PDPR: variants seen among roughly 807,000 people sequenced by gnomAD.
PDPR encodes pyruvate dehydrogenase phosphatase regulatory subunit, mitochondrial.
A neutral mutation model predicts 102.2 loss-of-function variants in PDPR; 50 were observed. That is an observed-to-expected ratio of 0.49 (90% CI 0.39 to 0.62). The LOEUF (loss-of-function observed/expected upper bound fraction) is 0.62. Among genes scored for constraint, PDPR ranks in the 20% least tolerant of loss-of-function variants. The probability of loss-of-function intolerance (pLI) is 0.00; values close to 1 mark genes in which losing one functional copy is unlikely to be tolerated. For synonymous variants in PDPR, 259 were observed against 406.0 expected, an observed-to-expected ratio of 0.64 and a Z score of 4.35; for missense variants, 625 against 1,098.2, an observed-to-expected ratio of 0.57 and a Z score of 6.09.
chr16:70,142,374 G>T lies in PDPR; in HGVS notation c.1456G>T (p.Val486Phe), dbSNP rs1965808231. 1.2e-6 allele frequency: 2 copies of T among 1,613,922 alleles called. No individual in the cohort carries two copies. Among genetic ancestry groups the T allele is most frequent in the Middle Eastern group, 1.7e-4 (1 of 6,058 alleles). ...TGGATTTGAGAGGCCAAAGTACTTT[G>T]TTCCCCCCGACAAGGGTAAGAAGTC... ...KHGFERPKYFVPPDKDLLALE... is the reference protein window; with the variant it reads ...KHGFERPKYFFPPDKDLLALE... Residue 486 changes from valine to phenylalanine, a missense_variant, in exon 12 of 19, where the codon GTT becomes TTT. This residue lies in a region of PDPR where 34 missense variants were observed against 76.6 expected (regional missense o/e 0.44). Transcript: ENST00000288050.
rs1966044032 is a variant in PDPR at position 70,144,454 on chromosome 16, C to T, written c.1788C>T (p.Val596=). 1 of 630,902 alleles carries T rather than the reference C, an allele frequency of 1.6e-6. No individual in the cohort carries two copies. Among genetic ancestry groups the T allele is most frequent in the Non-Finnish European group, 2.8e-6 (1 of 355,960 alleles). 39.1% of individuals were successfully genotyped at this position (630,902 alleles called of 1,614,324 possible). The change falls in exon 15 of 19, where the codon GTC becomes GTT. Residue 596 remains valine, a synonymous_variant. Coordinates refer to ENST00000288050, the MANE Select transcript of PDPR (RefSeq NM_017990.5). ...FFMISPTDQQ[V]HCWAWLKKHM... ...TGATCTCTCCAACCGACCAGCAGGT[C>T]CACTGTTGGGCCTGGCTTAAGAAAC...
At position 70,125,794 on chromosome 16, in the gene PDPR, C is replaced by T. The variant is rs1459505763; in HGVS notation, c.228-1466C>T. Among the ~76,000 whole-genome samples, 14 of 152,230 alleles carry T rather than the reference C, an allele frequency of 9.2e-5. No homozygotes were observed. The South Asian group carries it at 1.2e-3, about 14-fold the overall frequency. On this transcript the variant is annotated intron_variant, in intron 3 of 18. Transcript: ENST00000288050. ...GATTACAGACGCCTGCCACCATGCC[C>T]GGCTGATTTTTGTATTTTTAGTAGA... is the stretch of plus-strand genomic sequence containing the variant.
At chr16:70,149,774 G>A (rs1966556781) in intron 17 of PDPR, among the ~76,000 whole-genome samples, 1 of 152,268 alleles carries the variant, frequency 6.6e-6, no homozygotes, top group Non-Finnish European at 1.5e-5. Context: ...TATGCAAATA[G>A]TAATAGTTTC....
At chr16:70,162,789 C>A (rs1415669954), downstream of PDPR, among the ~76,000 whole-genome samples, 1 of 152,264 alleles carries the variant, frequency 6.6e-6, no homozygotes, top group Admixed American at 6.5e-5. Context: ...TCAGGAGGAA[C>A]CTGCCACCTG....
chr16:70,155,043 T>G (rs1455389912), intron 18 of PDPR, among the ~76,000 whole-genome samples: 1 of 152,138 alleles, frequency 6.6e-6, no homozygotes, highest in African/African-American at 2.4e-5. Flanking sequence ...AATATAAAAA[T>G]TAGCTGGGCA....
chr16:70,127,033 A>C (rs1964046878), intron 3 of PDPR, among the ~76,000 whole-genome samples: 2 of 152,236 alleles, frequency 1.3e-5, no homozygotes, highest in Admixed American at 6.5e-5. Flanking sequence ...TTGTTGGTAG[A>C]GATGGGTTCT....
intron 9 of PDPR, among the ~76,000 whole-genome samples, chr16:70,135,633 T>C (rs1965050445): frequency 6.6e-6 from 1 of 152,294 alleles, no homozygotes; most frequent in African/African-American, 2.4e-5. Context: ...AGATACGTTT[T>C]ACTTGCTGTT....
Position 70,158,339 on chromosome 16 carries a change from C to T in PDPR, c.*1460C>T, listed in dbSNP as rs1967448195. The stretch of plus-strand genomic sequence containing the variant: ...ACATTTTGGTTAGTAAAACTCTAGC[C>T]TTTGGCGTGTTGGTATCTTGGAAGC... On this transcript the variant is annotated 3_prime_UTR_variant, in exon 19 of 19. Coordinates refer to ENST00000288050, the MANE Select transcript of PDPR (RefSeq NM_017990.5). 6.6e-6 allele frequency: 1 copy of T among 152,468 alleles called. No homozygotes were observed. Among genetic ancestry groups the T allele is most frequent in the African/African-American group, 2.4e-5 (1 of 41,478 alleles). 9.4% of individuals were successfully genotyped at this position (152,468 alleles called of 1,614,324 possible).
chr16:70,139,437 C>T (rs929668871), intron 11 of PDPR, among the ~76,000 whole-genome samples: 5 of 152,246 alleles, frequency 3.3e-5, no homozygotes, highest in African/African-American at 1.2e-4. Context: ...CTTTCTCACT[C>T]CCCACTTAGT....
At chr16:70,133,421 C>CTTTTT (rs1162339028) in intron 9 of PDPR, among the ~76,000 whole-genome samples, 52 of 103,728 alleles carry the variant, frequency 5.0e-4, no homozygotes, top group Non-Finnish European at 7.0e-4. Context: ...TGCGTCTGGC[C>CTTTTT]TTTTTTTTTT....
chr16:70,115,674 A>C (rs1962567604), intron 2 of PDPR, among the ~76,000 whole-genome samples: 1 of 152,196 alleles, frequency 6.6e-6, no homozygotes, highest in South Asian at 2.1e-4. Flanking sequence ...GACAACTCGA[A>C]GTTAGAACTA....
intron 9 of PDPR, among the ~76,000 whole-genome samples, chr16:70,132,694 C>G (rs1404999836): frequency 6.6e-6 from 1 of 152,116 alleles, no homozygotes; most frequent in African/African-American, 2.4e-5. Context: ...CGCCATGTTG[C>G]CCAGGTTGAT....
At chr16:70,120,794 C>A (rs2152061167) in intron 3 of PDPR, 75 bp downstream of exon 3, 1 of 947,630 alleles carries the variant, frequency 1.1e-6, no homozygotes, top group East Asian at 2.4e-5. Context: ...TTCAGAGATA[C>A]TGCCCCACCA....
chr16:70,136,247 A>T lies in PDPR; in HGVS notation c.1051A>T (p.Ile351Phe). 6.2e-7 allele frequency: 1 copy of T among 1,612,332 alleles called. No homozygotes were observed. Among genetic ancestry groups the T allele is most frequent in the Non-Finnish European group, 8.5e-7 (1 of 1,178,928 alleles). ...RRMPELETLE[I>F]MKLVNCPETF... is the part of the protein sequence containing the mutation. Reference sequence around the variant, plus strand: ...GATGCCAGAATTAGAGACTCTGGAGATCATGAAGTTGGTGAACTGCCCAGA... The same window carrying T: ...GATGCCAGAATTAGAGACTCTGGAGTTCATGAAGTTGGTGAACTGCCCAGA... The change falls in exon 10 of 19, where the codon ATC becomes TTC. Residue 351 changes from isoleucine (I) to phenylalanine (F), a missense_variant. Physicochemically the swap from Ile to Phe is conservative, Grantham distance 21. This residue lies in a region of PDPR where 50 missense variants were observed against 79.9 expected (regional missense o/e 0.63). Transcript: ENST00000288050.
intron 2 of PDPR, among the ~76,000 whole-genome samples, chr16:70,119,912 G>GTTTTT (rs1963046566): frequency 2.7e-5 from 2 of 74,630 alleles, no homozygotes; most frequent in African/African-American, 2.0e-4. Flanking sequence ...TTTTTTTTTT[G>GTTTTT]TTTGTTTGTT....
rs374317165 is a variant in PDPR at position 70,120,702 on chromosome 16, C to T, written c.210C>T (p.Val70=). Reference sequence around the variant, plus strand: ...CCAAAATGGGGTGGAAGGATATTGTCCTTTTGGAGCAGGGCAGGTAAGGAT... The same window carrying T: ...CCAAAATGGGGTGGAAGGATATTGTTCTTTTGGAGCAGGGCAGGTAAGGAT... ...HLSKMGWKDI[V]LLEQGRLAAG... is the part of the protein sequence containing the mutation. The change falls in exon 3 of 19, where the codon GTC becomes GTT. Residue 70 remains valine (V), a synonymous_variant. Coordinates refer to ENST00000288050, the MANE Select transcript of PDPR (RefSeq NM_017990.5). 3.7e-6 allele frequency: 6 copies of T among 1,611,904 alleles called. No homozygotes were observed. Among genetic ancestry groups the T allele is most frequent in the Non-Finnish European group, 5.1e-6 (6 of 1,178,044 alleles).
At chr16:70,133,989 T>G (rs1296730501) in intron 9 of PDPR, among the ~76,000 whole-genome samples, 1 of 152,250 alleles carries the variant, frequency 6.6e-6, no homozygotes, top group Non-Finnish European at 1.5e-5. Context: ...CGCCTTGGCC[T>G]CCCAAAGTGC....
At chr16:70,140,370 T>A (rs1424754314) in intron 11 of PDPR, among the ~76,000 whole-genome samples, 1 of 152,256 alleles carries the variant, frequency 6.6e-6, no homozygotes, top group African/African-American at 2.4e-5. Context: ...AAATCAAAGT[T>A]TTTTGTTTTA....
rs1477149601 is a variant in PDPR at position 70,142,585 on chromosome 16, T to TATA, written c.1506_1508dup (p.Tyr502_Lys503insAsn). 1 of 1,613,974 alleles carries TATA rather than the reference T, an allele frequency of 6.2e-7. No homozygotes were observed. The highest frequency in any genetic ancestry group is 8.5e-7 in the Non-Finnish European group (1 of 1,179,914). ...GGCATTGGAGCAGAGCAAGACTTTC[T>TATA]ATAAGCCAGATTGGTTTGACATCGT... On this transcript the variant is annotated inframe_insertion, in exon 13 of 19. Transcript: ENST00000288050.
Sources: gnomAD v4.1 joint callset for allele counts (sites outside exome capture counted in the v4.1 genomes callset) on GRCh38, gnomAD v4.1.1 for gene constraint, gnomAD v4.1.1 regional missense constraint, MANE v1.5 for transcripts, NCBI Gene and HGNC (gene_info 2026-07-23, HGNC 2026-07-21) for gene names.